The following LHFPL6 variants were observed in gnomAD, a reference collection of about 807,000 sequenced individuals.
The protein encoded by LHFPL6 is LHFPL tetraspan subfamily member 6 protein.
Under a neutral mutation model 20.6 loss-of-function variants are expected in LHFPL6, and 9 were observed. The ratio of observed to expected loss-of-function variants is 0.44; its 90% confidence interval spans 0.26 to 0.76. The LOEUF (loss-of-function observed/expected upper bound fraction) is 0.76, where lower values mean the gene tolerates loss of function less well. Ranked by LOEUF, LHFPL6 falls within the 30% of genes least tolerant of loss-of-function variation. The pLI is 0.20. For missense variants in LHFPL6, 218 were observed against 253.5 expected, an observed-to-expected ratio of 0.86 and a Z score of 0.95; for synonymous variants, 105 against 98.7, an observed-to-expected ratio of 1.06 and a Z score of -0.38.
chr13:39,527,698 AT>A (rs1393984609), intron 2 of LHFPL6, among the ~76,000 whole-genome samples: 1 of 151,758 alleles, frequency 6.6e-6, no homozygotes, highest in African/African-American at 2.4e-5. Flanking sequence ...TATACTCATC[AT>A]TTTTTTGTTT....
chr13:39,476,614 T>C (rs1481423605), intron 2 of LHFPL6, among the ~76,000 whole-genome samples: 8 of 152,204 alleles, frequency 5.3e-5, no homozygotes, highest in Non-Finnish European at 8.8e-5. Flanking sequence ...AGTGCATTCT[T>C]ATTGCATTTC....
chr13:39,364,745 G>GCTGC (rs1869967986), intron 3 of LHFPL6, among the ~76,000 whole-genome samples: 1 of 152,004 alleles, frequency 6.6e-6, no homozygotes, highest in Non-Finnish European at 1.5e-5. Context: ...ATGGTGGTTT[G>GCTGC]CTGCACCCTT....
At chr13:39,522,528 C>T (rs776941567) in intron 2 of LHFPL6, among the ~76,000 whole-genome samples, 12 of 152,216 alleles carry the variant, frequency 7.9e-5, no homozygotes, top group African/African-American at 2.2e-4. Context: ...GCACCAGTCC[C>T]GCTCCACGCA....
chr13:39,420,253 A>G (rs1236753429), intron 2 of LHFPL6, among the ~76,000 whole-genome samples: 1 of 152,232 alleles, frequency 6.6e-6, no homozygotes, highest in Admixed American at 6.5e-5. Flanking sequence ...CTCAACTTAC[A>G]GAGTACGCCT....
intron 2 of LHFPL6, among the ~76,000 whole-genome samples, chr13:39,507,310 G>A (rs1276115908): frequency 1.3e-5 from 2 of 152,160 alleles, no homozygotes; most frequent in African/African-American, 4.8e-5. Context: ...CCAGACAGGA[G>A]GGAAGCTGCA....
intron 2 of LHFPL6, among the ~76,000 whole-genome samples, chr13:39,576,660 G>A (rs998226060): frequency 6.6e-6 from 1 of 152,078 alleles, no homozygotes; most frequent in East Asian, 1.9e-4. Flanking sequence ...TTGAGACAGG[G>A]TCTCACTCCA....
At chr13:39,587,450 G>A (rs934343329) in intron 2 of LHFPL6, among the ~76,000 whole-genome samples, 1 of 152,068 alleles carries the variant, frequency 6.6e-6, no homozygotes, top group African/African-American at 2.4e-5. Flanking sequence ...CTGCACACCT[G>A]CAGCATTTTG....
At chr13:39,445,696 C>G (rs1166774182) in intron 2 of LHFPL6, among the ~76,000 whole-genome samples, 1 of 152,130 alleles carries the variant, frequency 6.6e-6, no homozygotes, top group Non-Finnish European at 1.5e-5. Context: ...ATATTTGGTA[C>G]AGCAGAATAA....
At chr13:39,487,499 T>C (rs748480918) in intron 2 of LHFPL6, among the ~76,000 whole-genome samples, 1 of 152,154 alleles carries the variant, frequency 6.6e-6, no homozygotes, top group Non-Finnish European at 1.5e-5. Context: ...ACAAAAATAA[T>C]AGGGCTCAGC....
rs575667621 is a variant in LHFPL6, at chr13:39,450,972, G to C, written c.386-72446C>G. On this transcript the variant is annotated intron_variant, in intron 2 of 3. Coordinates refer to ENST00000379589, the MANE Select transcript of LHFPL6 (RefSeq NM_005780.3). ...CTGATATTTAAGAGTTCACATATTA[G>C]GACCCTCAATTACCACAAATTTACC... is the stretch of plus-strand genomic sequence containing the variant. 2.5e-4 allele frequency among the ~76,000 whole-genome samples: 38 copies of C among 152,142 alleles called. 1 individual carries two copies. In the South Asian group the frequency reaches 7.9e-3, roughly 32 times the overall value.
intron 2 of LHFPL6, among the ~76,000 whole-genome samples, chr13:39,524,578 G>T (rs1870228244): frequency 1.3e-5 from 2 of 152,176 alleles, no homozygotes; most frequent in South Asian, 4.1e-4. Context: ...TCTGCAGGAG[G>T]TATATTGTGC....
chr13:39,520,689 A>T (rs1026175466), intron 2 of LHFPL6, among the ~76,000 whole-genome samples: 1 of 152,178 alleles, frequency 6.6e-6, no homozygotes, highest in African/African-American at 2.4e-5. Context: ...TGTCACGGCC[A>T]GACAACAACA....
intron 2 of LHFPL6, among the ~76,000 whole-genome samples, chr13:39,466,417 T>C (rs1369620608): frequency 6.6e-6 from 1 of 152,170 alleles, no homozygotes; most frequent in Admixed American, 6.6e-5. Flanking sequence ...CTGCTGCATG[T>C]TGTGAGAAAA....
At chr13:39,579,255 A>G (rs1251732951) in intron 2 of LHFPL6, among the ~76,000 whole-genome samples, 1 of 152,230 alleles carries the variant, frequency 6.6e-6, no homozygotes, top group Admixed American at 6.5e-5. Flanking sequence ...GGCCAAGGGC[A>G]GATACTCTCC....
chr13:39,441,137 ATTTTTT>A (rs57695621), intron 2 of LHFPL6, among the ~76,000 whole-genome samples: 10,732 of 91,310 alleles, frequency 0.12, 589 homozygotes, highest in East Asian at 0.31. Context: ...ATGCCAACTA[ATTTTTT>A]TTTTTTTTTT....
intron 3 of LHFPL6, among the ~76,000 whole-genome samples, chr13:39,348,130 A>G (rs1036915526): frequency 6.6e-6 from 1 of 152,168 alleles, no homozygotes; most frequent in Non-Finnish European, 1.5e-5. Context: ...TTGGCAGAGA[A>G]GTCAATAAAA....
intron 2 of LHFPL6, among the ~76,000 whole-genome samples, chr13:39,390,356 C>T (rs553242139): frequency 6.6e-6 from 1 of 151,880 alleles, no homozygotes; most frequent in Non-Finnish European, 1.5e-5. Flanking sequence ...AAATTAGCCA[C>T]GCGTGGTGGT....
chr13:39,510,824 A>G (rs1024369886), intron 2 of LHFPL6, among the ~76,000 whole-genome samples: 2 of 152,186 alleles, frequency 1.3e-5, no homozygotes, highest in African/African-American at 4.8e-5. Context: ...TGAAATATAC[A>G]ACTTAAACCT....
rs67172252 is a variant in LHFPL6, at chr13:39,343,603, T to TTG, written c.*331_*332dup. The TTG allele has an allele frequency of 0.13, 26,065 of 193,360 alleles. 1,644 individuals carry two copies. Among genetic ancestry groups the TTG allele is most frequent in the Non-Finnish European group, 0.16 (15,717 of 98,422 alleles). 12.0% of individuals were successfully genotyped at this position (193,360 alleles called of 1,614,324 possible). ...ACCCTTGTTTGTATATGTAGATTTG[T>TTG]TGTGTGTGTGTGTGTGTGTGTGTGT... On this transcript the variant is annotated 3_prime_UTR_variant, in exon 4 of 4. Coordinates refer to ENST00000379589, the MANE Select transcript of LHFPL6 (RefSeq NM_005780.3).
Sources: allele counts gnomAD v4.1 joint callset (sites outside exome capture counted in the v4.1 genomes callset), GRCh38; gene constraint gnomAD v4.1.1; transcripts MANE v1.5; gene names NCBI Gene and HGNC (gene_info 2026-07-23, HGNC 2026-07-21).